Variants in ANTXR2 observed in about 807,000 individuals in gnomAD.
ANTXR2 encodes anthrax toxin receptor 2.
ANTXR2 carries 44 observed loss-of-function variants against 73.7 expected under a neutral mutation model. That is an observed-to-expected ratio of 0.60 (90% CI 0.47 to 0.77). ANTXR2 has a LOEUF of 0.77. Ranked by LOEUF, ANTXR2 falls within the 30% of genes least tolerant of loss-of-function variation. The probability of loss-of-function intolerance (pLI) is 0.00; values close to 1 mark genes in which losing one functional copy is unlikely to be tolerated. For missense variants in ANTXR2, 604 were observed against 592.5 expected (o/e 1.02, Z -0.20); for synonymous variants, 217 against 205.9 (o/e 1.05, Z -0.46).
chr4:80,005,153 A>C (rs111897512), intron 12 of ANTXR2, among the ~76,000 whole-genome samples: 4 of 152,238 alleles, frequency 2.6e-5, no homozygotes, highest in African/African-American at 9.6e-5. Context: ...ATTTCTATTC[A>C]GGGAGTTTTC....
At chr4:79,910,634 A>G (rs1463806410) in intron 16 of ANTXR2, among the ~76,000 whole-genome samples, 1 of 152,170 alleles carries the variant, frequency 6.6e-6, no homozygotes, top group East Asian at 1.9e-4. Flanking sequence ...AGACTCAATA[A>G]TTTCTTACTT....
chr4:79,946,880 A>C (rs969942161), intron 16 of ANTXR2, among the ~76,000 whole-genome samples: 1 of 152,152 alleles, frequency 6.6e-6, no homozygotes, highest in Admixed American at 6.6e-5. Context: ...CTATGAGCTA[A>C]GGGTACTAAT....
At chr4:79,932,762 A>G (rs1383480903) in intron 16 of ANTXR2, among the ~76,000 whole-genome samples, 1 of 133,236 alleles carries the variant, frequency 7.5e-6, no homozygotes, top group Non-Finnish European at 1.5e-5. Flanking sequence ...ATTGCATTCC[A>G]GCCTGGGCAA....
At chr4:79,989,786 G>T (rs1336227163) in intron 12 of ANTXR2, among the ~76,000 whole-genome samples, 1 of 152,032 alleles carries the variant, frequency 6.6e-6, no homozygotes. Flanking sequence ...AATCCACCAT[G>T]ATCCAGTAGA....
chr4:79,953,693 AT>A (rs756617694), intron 16 of ANTXR2, among the ~76,000 whole-genome samples: 54 of 152,078 alleles, frequency 3.6e-4, no homozygotes, highest in Non-Finnish European at 6.3e-4. Flanking sequence ...CACTAATTAT[AT>A]TTCTTTTTTT....
chr4:79,952,318 A>G (rs140281671), intron 16 of ANTXR2, among the ~76,000 whole-genome samples: 60 of 151,494 alleles, frequency 4.0e-4, no homozygotes, highest in Middle Eastern at 3.4e-3. Context: ...GCTTTGGGTT[A>G]TAATTTTTGA....
In ANTXR2 at chr4:80,054,193, T is replaced by A. The variant is rs1432422002; in HGVS notation, c.636+79A>T. On this transcript the variant is annotated intron_variant, in intron 7 of 16. Transcript: ENST00000403729. ...TCCTCTAGATAATGACCACCTGCAC[T>A]GGATATTAAGATTACTTCTTATAGA... The A allele has an allele frequency of 3.5e-6, 4 of 1,133,906 alleles. No individual in the cohort carries two copies. The South Asian group carries it at 4.5e-5, about 13-fold the overall frequency. 70.2% of individuals were successfully genotyped at this position (1,133,906 alleles called of 1,614,324 possible). A position where few individuals can be genotyped will look rare whatever the true frequency, so the allele number is the denominator to read the frequency against.
chr4:80,055,846 G>A (rs1733970629), intron 4 of ANTXR2, 86 bp downstream of exon 4: 14 of 974,812 alleles, frequency 1.4e-5, no homozygotes, highest in Non-Finnish European at 1.9e-5. Context: ...TATGTAATGA[G>A]GTTACTGAGC....
At chr4:79,996,517 CAA>C (rs1375938652) in intron 12 of ANTXR2, among the ~76,000 whole-genome samples, 1 of 151,796 alleles carries the variant, frequency 6.6e-6, no homozygotes, top group Non-Finnish European at 1.5e-5. Flanking sequence ...GGACGAGAAA[CAA>C]AATGGTTTTC....
intron 16 of ANTXR2, among the ~76,000 whole-genome samples, chr4:79,936,669 C>A (rs1025584609): frequency 1.3e-5 from 2 of 151,824 alleles, no homozygotes; most frequent in African/African-American, 4.8e-5. Context: ...CTTTATTAAA[C>A]GTAAAAGGGA....
intron 12 of ANTXR2, among the ~76,000 whole-genome samples, chr4:80,001,474 C>G (rs1177198743): frequency 2.6e-5 from 4 of 151,782 alleles, no homozygotes. Flanking sequence ...TCTTATTTTG[C>G]AATTGCTTGT....
In ANTXR2 at chr4:79,907,332, A is replaced by G; in HGVS notation, c.*97T>C. 1 of 1,345,938 alleles carries G rather than the reference A, an allele frequency of 7.4e-7. No individual in the cohort carries two copies. Among genetic ancestry groups the G allele is most frequent in the South Asian group, 1.2e-5 (1 of 81,608 alleles). The allele number at this position is 1,345,938 out of a possible 1,614,324, so 83.4% of individuals were successfully genotyped here. The stretch of plus-strand genomic sequence containing the variant: ...GAGAGGAATTAAGCTGCTCTTCCAA[A>G]AGCTTCTGAAATGCACTTGATTTTT... On this transcript the variant is annotated 3_prime_UTR_variant, in exon 17 of 17. Transcript: ENST00000403729.
At chr4:80,010,471 C>G (rs976180877) in intron 11 of ANTXR2, among the ~76,000 whole-genome samples, 2 of 152,178 alleles carry the variant, frequency 1.3e-5, no homozygotes, top group Non-Finnish European at 2.9e-5. Context: ...GATCCAGCCA[C>G]AGCACTCATA....
intron 16 of ANTXR2, among the ~76,000 whole-genome samples, chr4:79,928,098 G>A (rs1727894799): frequency 6.6e-6 from 1 of 152,160 alleles, no homozygotes; most frequent in Non-Finnish European, 1.5e-5. Flanking sequence ...CTGCCAAAAA[G>A]TAGAAACAAT....
intron 14 of ANTXR2, 26 bp from the exon 15 acceptor site, chr4:79,978,200 T>C (rs1560930109): frequency 6.2e-7 from 1 of 1,609,638 alleles, no homozygotes; most frequent in Admixed American, 1.7e-5. Flanking sequence ...AGAGTACTGT[T>C]ATCAGACATA....
chr4:80,059,684 T>G (rs1384863562), intron 3 of ANTXR2, among the ~76,000 whole-genome samples: 1 of 152,042 alleles, frequency 6.6e-6, no homozygotes, highest in Non-Finnish European at 1.5e-5. Flanking sequence ...TGTATGAAAT[T>G]AGCACTTTCA....
At position 80,054,369 on chromosome 4, in the gene ANTXR2, A is replaced by T. The variant is rs758931830; in HGVS notation, c.556-17T>A. ...TCTTTCAAGCTTTAGAAAGAAGAGG[A>T]AGACTTAATTAAGGAGTGGCTGACA... On this transcript the variant is annotated splice_polypyrimidine_tract_variant and intron_variant, in intron 6 of 16. Coordinates refer to ENST00000403729, the MANE Select transcript of ANTXR2 (RefSeq NM_058172.6). The T allele has an allele frequency of 3.2e-6, 5 of 1,559,106 alleles. No homozygotes were observed. Among genetic ancestry groups the T allele is most frequent in the Non-Finnish European group, 4.4e-6 (5 of 1,146,928 alleles).
intron 16 of ANTXR2, among the ~76,000 whole-genome samples, chr4:79,960,610 T>A (rs1270277243): frequency 6.6e-6 from 1 of 152,074 alleles, no homozygotes; most frequent in Admixed American, 6.6e-5. Context: ...TCCAGGGGTA[T>A]TCTTTCATTT....
chr4:79,916,827 A>G (rs1727373397), intron 16 of ANTXR2, among the ~76,000 whole-genome samples: 1 of 152,172 alleles, frequency 6.6e-6, no homozygotes, highest in South Asian at 2.1e-4. Flanking sequence ...ACACTATAGC[A>G]TCTTTTATAT....
Sources: allele counts gnomAD v4.1 joint callset (sites outside exome capture counted in the v4.1 genomes callset), GRCh38; gene constraint gnomAD v4.1.1; transcripts MANE v1.5; gene names NCBI Gene and HGNC (gene_info 2026-07-23, HGNC 2026-07-21).